The following SRRM3 variants were observed in gnomAD, a reference collection of about 807,000 sequenced individuals.
The protein encoded by SRRM3 is serine/arginine repetitive matrix 3.
A neutral mutation model predicts 66.2 loss-of-function variants in SRRM3; 27 were observed. That is an observed-to-expected ratio of 0.41 (90% CI 0.30 to 0.56). The LOEUF is 0.56. Ranked by LOEUF, SRRM3 falls within the 20% of genes least tolerant of loss-of-function variation. SRRM3 has a pLI of 0.32. For missense variants in SRRM3, 918 were observed against 991.9 expected (o/e 0.93, Z 1.00); for synonymous variants, 391 against 414.9 (o/e 0.94, Z 0.70).
chr7:76,251,124 C>T (rs1801571050), intron 3 of SRRM3, among the ~76,000 whole-genome samples: 1 of 152,094 alleles, frequency 6.6e-6, no homozygotes, highest in Non-Finnish European at 1.5e-5. Context: ...CTACCCAGGG[C>T]AGAGCCCTGC....
In SRRM3 at chr7:76,265,349, C is replaced by T; in HGVS notation, c.726-15C>T. 6.3e-7 allele frequency: 1 copy of T among 1,583,722 alleles called. No homozygotes were observed. The highest frequency in any genetic ancestry group is 8.6e-7 in the Non-Finnish European group (1 of 1,164,216). On this transcript the variant is annotated splice_polypyrimidine_tract_variant and intron_variant, in intron 9 of 14. Transcript: ENST00000611745. Reference sequence around the variant, plus strand: ...CAGAATTGAGGTACAGGCTGATTTCCCCCATCCACGCCAGGCCTCACACAG... The same window carrying T: ...CAGAATTGAGGTACAGGCTGATTTCTCCCATCCACGCCAGGCCTCACACAG...
intron 12 of SRRM3, among the ~76,000 whole-genome samples, 153 bp downstream of exon 12, chr7:76,281,955 A>AC (rs1161648468): frequency 1.2e-4 from 3 of 26,054 alleles, no homozygotes; most frequent in African/African-American, 3.0e-4. Context: ...CATGGATTCC[A>AC]CCCCCCCATG....
intron 1 of SRRM3, among the ~76,000 whole-genome samples, chr7:76,214,999 G>T (rs1312069324): frequency 6.8e-6 from 1 of 147,220 alleles, no homozygotes; most frequent in African/African-American, 2.5e-5. Context: ...AAATAAGTAG[G>T]TCACCACATA....
chr7:76,249,381 A>C (rs1282590386), intron 3 of SRRM3, among the ~76,000 whole-genome samples: 2 of 58,704 alleles, frequency 3.4e-5, no homozygotes, highest in African/African-American at 6.4e-4. Context: ...CTCTGTCTCA[A>C]AAAAAAAAAA....
intron 1 of SRRM3, among the ~76,000 whole-genome samples, chr7:76,206,254 A>G (rs2116922904): frequency 6.6e-6 from 1 of 152,308 alleles, no homozygotes; most frequent in Admixed American, 6.5e-5. Context: ...GTGAGCCACC[A>G]CATCCATGCA....
chr7:76,258,882 C>T (rs1035764321), intron 3 of SRRM3, among the ~76,000 whole-genome samples: 4 of 150,780 alleles, frequency 2.7e-5, no homozygotes, highest in Non-Finnish European at 5.9e-5. Flanking sequence ...CATGGAGAAA[C>T]CCCATCTCTA....
chr7:76,240,765 T>C (rs1048624973), intron 2 of SRRM3, among the ~76,000 whole-genome samples: 2 of 151,672 alleles, frequency 1.3e-5, no homozygotes, highest in Admixed American at 6.6e-5. Flanking sequence ...GCCCATAGAG[T>C]GGCATGAGGA....
chr7:76,250,509 C>T (rs1188272241), intron 3 of SRRM3, among the ~76,000 whole-genome samples: 1 of 152,214 alleles, frequency 6.6e-6, no homozygotes, highest in Non-Finnish European at 1.5e-5. Flanking sequence ...GCTGGGATTA[C>T]AGGCATGAGC....
intron 11 of SRRM3, among the ~76,000 whole-genome samples, chr7:76,272,490 C>T (rs1554610628): frequency 6.6e-6 from 1 of 152,008 alleles, no homozygotes; most frequent in African/African-American, 2.4e-5. Flanking sequence ...ATCACTTGAG[C>T]CCAGGAGTTG....
At chr7:76,254,766 G>A (rs1402379356) in intron 3 of SRRM3, among the ~76,000 whole-genome samples, 1 of 152,172 alleles carries the variant, frequency 6.6e-6, no homozygotes, top group Non-Finnish European at 1.5e-5. Context: ...AGGCACTTTT[G>A]CGGCTGAGGA....
rs1389216629 is a variant in SRRM3, at chr7:76,258,738, A to G, written c.336-1168A>G. On this transcript the variant is annotated intron_variant, in intron 3 of 14. Transcript: ENST00000611745. The stretch of plus-strand genomic sequence containing the variant: ...CAAAAAAAAAAAAAAAAAAAAGAAA[A>G]AGAAAAAGAAAAAAAAAAAAGGAAG... 2.1e-4 allele frequency among the ~76,000 whole-genome samples: 31 copies of G among 147,062 alleles called. No individual in the cohort carries two copies. The Middle Eastern group carries it at 0.011, about 51-fold the overall frequency.
intron 1 of SRRM3, among the ~76,000 whole-genome samples, chr7:76,209,548 A>AG (rs1315901379): frequency 1.6e-4 from 24 of 151,756 alleles, no homozygotes; most frequent in Non-Finnish European, 2.8e-4. Context: ...GACAGGACAG[A>AG]GGGCAGGGCT....
chr7:76,208,505 C>CAAA (rs112442379), intron 1 of SRRM3, among the ~76,000 whole-genome samples: 1 of 133,566 alleles, frequency 7.5e-6, no homozygotes, highest in South Asian at 2.4e-4. Flanking sequence ...CCTATCTCTA[C>CAAA]AAAAAAAAAA....
At chr7:76,204,590 G>A (rs1160505187) in intron 1 of SRRM3, among the ~76,000 whole-genome samples, 17 of 152,174 alleles carry the variant, frequency 1.1e-4, no homozygotes, top group African/African-American at 4.1e-4. Context: ...CCCAGGGCGA[G>A]AATCAATCCA....
At chr7:76,222,563 C>G (rs907959998) in intron 1 of SRRM3, among the ~76,000 whole-genome samples, 1 of 151,812 alleles carries the variant, frequency 6.6e-6, no homozygotes, top group African/African-American at 2.4e-5. Context: ...ACCTGGCCCT[C>G]CCTCCCCTCC....
chr7:76,275,491 C>T (rs1554610987), intron 11 of SRRM3, among the ~76,000 whole-genome samples: 1 of 139,628 alleles, frequency 7.2e-6, no homozygotes, highest in Non-Finnish European at 1.5e-5. Flanking sequence ...TCAGTCCCTG[C>T]TCCCTCAAAA....
At chr7:76,214,653 C>T (rs1800513667) in intron 1 of SRRM3, among the ~76,000 whole-genome samples, 1 of 152,040 alleles carries the variant, frequency 6.6e-6, no homozygotes, top group African/African-American at 2.4e-5. Flanking sequence ...CTCAGGGAGC[C>T]CCAACTTCTG....
chr7:76,282,601 C>T, intron 12 of SRRM3, 47 bp from the exon 13 acceptor site: 2 of 1,149,216 alleles, frequency 1.7e-6, no homozygotes, highest in South Asian at 1.8e-5. Context: ...CCCCCAGCCC[C>T]CTTTCCGGGT....
At chr7:76,245,917 C>T (rs1483647605) in intron 2 of SRRM3, among the ~76,000 whole-genome samples, 2 of 152,036 alleles carry the variant, frequency 1.3e-5, no homozygotes, top group African/African-American at 2.4e-5. Context: ...AGGCTGGTCT[C>T]GAACTCCTGA....
Sources: allele counts gnomAD v4.1 joint callset (sites outside exome capture counted in the v4.1 genomes callset), GRCh38; gene constraint gnomAD v4.1.1; transcripts MANE v1.5; gene names NCBI Gene and HGNC (gene_info 2026-07-23, HGNC 2026-07-21).